The following CHRNA7 variants were observed in gnomAD, a reference collection of about 807,000 sequenced individuals.
The protein encoded by CHRNA7 is cholinergic receptor nicotinic alpha 7 subunit.
Under a neutral mutation model 48.0 loss-of-function variants are expected in CHRNA7, and 17 were observed. That is an observed-to-expected ratio of 0.35 (90% CI 0.24 to 0.53). The LOEUF is 0.53. Among genes scored for constraint, CHRNA7 ranks in the 20% least tolerant of loss-of-function variants. CHRNA7 has a pLI of 0.92. For synonymous variants in CHRNA7, 75 were observed against 242.3 expected (o/e 0.31, Z 6.41); for missense variants, 155 against 577.7 (o/e 0.27, Z 7.50).
At chr15:32,098,903 C>A in intron 2 of CHRNA7, 1 of 154,788 alleles carries the variant, frequency 6.5e-6, no homozygotes, top group Non-Finnish European at 1.4e-5. Context: ...CACACACACA[C>A]ACACACTTTT....
At chr15:32,032,272 T>C (rs1478951015) in intron 2 of CHRNA7, among the ~76,000 whole-genome samples, 1 of 152,132 alleles carries the variant, frequency 6.6e-6, no homozygotes, top group African/African-American at 2.4e-5. Flanking sequence ...GCAGGTTCAG[T>C]CTCATGTGTT....
At chr15:32,093,491 C>G (rs528288338) in intron 2 of CHRNA7, among the ~76,000 whole-genome samples, 21 of 152,284 alleles carry the variant, frequency 1.4e-4, no homozygotes, top group Non-Finnish European at 2.2e-4. Context: ...TCACCTCCCC[C>G]GGGCAAGCTC....
chr15:32,142,894 A>T (rs1023119792), intron 4 of CHRNA7, among the ~76,000 whole-genome samples: 1 of 152,106 alleles, frequency 6.6e-6, no homozygotes, highest in Non-Finnish European at 1.5e-5. Context: ...GATTTTTTGA[A>T]GGTTTTTTTG....
chr15:32,167,040 C>CAACT (rs1263222301), intron 9 of CHRNA7, among the ~76,000 whole-genome samples: 2 of 140,960 alleles, frequency 1.4e-5, no homozygotes, highest in African/African-American at 5.6e-5. Flanking sequence ...CTTCTGCCTT[C>CAACT]AACTTTTCAA....
chr15:32,120,919 T>TGAGG (rs1384145034), intron 4 of CHRNA7, among the ~76,000 whole-genome samples: 1 of 152,174 alleles, frequency 6.6e-6, no homozygotes, highest in Non-Finnish European at 1.5e-5. Flanking sequence ...ATGAGCTGCC[T>TGAGG]GAGGGAGCAG....
intron 4 of CHRNA7, among the ~76,000 whole-genome samples, chr15:32,115,677 A>G (rs562705922): frequency 6.6e-5 from 10 of 152,058 alleles, no homozygotes; most frequent in African/African-American, 1.9e-4. Flanking sequence ...TCTAGAACAC[A>G]TTTCTCTGTC....
At chr15:32,112,950 G>A (rs1278660813) in intron 4 of CHRNA7, among the ~76,000 whole-genome samples, 2 of 152,132 alleles carry the variant, frequency 1.3e-5, no homozygotes, top group African/African-American at 2.4e-5. Context: ...TCTCAAATTA[G>A]TTCAGACAAC....
intron 3 of CHRNA7, chr15:32,101,893 T>C (rs2050579402): frequency 6.6e-6 from 1 of 152,124 alleles, no homozygotes; most frequent in Non-Finnish European, 1.5e-5. Flanking sequence ...CATCCAATTG[T>C]AAATATTAAC....
intron 4 of CHRNA7, among the ~76,000 whole-genome samples, chr15:32,122,118 T>G (rs562665251): frequency 1.3e-5 from 2 of 152,322 alleles, no homozygotes; most frequent in African/African-American, 4.8e-5. Flanking sequence ...TCTATTCACA[T>G]TTTGTAATCC....
intron 3 of CHRNA7, among the ~76,000 whole-genome samples, chr15:32,104,754 C>G (rs1250565748): frequency 6.6e-6 from 1 of 152,178 alleles, no homozygotes; most frequent in Non-Finnish European, 1.5e-5. Context: ...CCTGAATGGC[C>G]GTGCAGCACT....
chr15:32,109,752 G>A (rs577727320), intron 3 of CHRNA7, among the ~76,000 whole-genome samples: 16 of 152,266 alleles, frequency 1.1e-4, no homozygotes, highest in African/African-American at 3.4e-4. Flanking sequence ...TGACCCCCCC[G>A]AACTATGGTG....
intron 2 of CHRNA7, chr15:32,099,401 AGGTGGTGGT>A: frequency 1.3e-5 from 2 of 152,336 alleles, no homozygotes; most frequent in Middle Eastern, 6.8e-3. Context: ...CTGCATGCTC[AGGTGGTGGT>A]GGCTGCTGCT....
intron 2 of CHRNA7, among the ~76,000 whole-genome samples, chr15:32,051,892 G>A (rs2049689773): frequency 6.6e-6 from 1 of 152,104 alleles, no homozygotes; most frequent in Non-Finnish European, 1.5e-5. Flanking sequence ...CCCCAGGCTG[G>A]TCTTGAACTC....
intron 2 of CHRNA7, among the ~76,000 whole-genome samples, chr15:32,077,667 A>G (rs1266493657): frequency 6.6e-6 from 1 of 152,210 alleles, no homozygotes; most frequent in Non-Finnish European, 1.5e-5. Flanking sequence ...TGGGTAATTT[A>G]TAAAGCAATG....
Position 32,053,172 on chromosome 15 carries a change from G to T in CHRNA7, c.195+22135G>T, listed in dbSNP as rs560905268. On this transcript the variant is annotated intron_variant, in intron 2 of 9. Transcript: ENST00000306901. ...TTTTAATCTGTATAGACTGAGAATT[G>T]TAAGCACTTTTACTAAAGGAATCTT... 6.6e-5 allele frequency among the ~76,000 whole-genome samples: 10 copies of T among 152,294 alleles called. No individual in the cohort carries two copies. The South Asian group carries it at 2.1e-3, about 32-fold the overall frequency.
intron 2 of CHRNA7, among the ~76,000 whole-genome samples, chr15:32,068,252 C>G (rs1595408524): frequency 6.6e-6 from 1 of 152,098 alleles, no homozygotes; most frequent in Non-Finnish European, 1.5e-5. Context: ...TTTGAGGCTA[C>G]AGTGAACTGT....
At chr15:32,097,331 C>A (rs1057105063) in intron 2 of CHRNA7, among the ~76,000 whole-genome samples, 4 of 152,068 alleles carry the variant, frequency 2.6e-5, no homozygotes, top group African/African-American at 7.2e-5. Flanking sequence ...TTTTCCCCCA[C>A]TAAATGCATA....
chr15:32,154,788 C>T (rs1210658693), intron 5 of CHRNA7, among the ~76,000 whole-genome samples: 14 of 140,738 alleles, frequency 9.9e-5, no homozygotes, highest in African/African-American at 1.4e-4. Context: ...CTCACACATA[C>T]GACTCACACA....
chr15:32,083,268 T>TA (rs1265438247), intron 2 of CHRNA7, among the ~76,000 whole-genome samples: 1 of 152,114 alleles, frequency 6.6e-6, no homozygotes, highest in Non-Finnish European at 1.5e-5. Flanking sequence ...GTGGATGTGT[T>TA]AAAAAAGTGA....
Sources: gnomAD v4.1 joint callset for allele counts (sites outside exome capture counted in the v4.1 genomes callset) on GRCh38, gnomAD v4.1.1 for gene constraint, MANE v1.5 for transcripts, NCBI Gene and HGNC (gene_info 2026-07-23, HGNC 2026-07-21) for gene names.